Variants in ANXA1 observed in about 807,000 individuals in gnomAD.
The protein encoded by ANXA1 is annexin A1, also known as annexin I (lipocortin I).
Under a neutral mutation model 47.9 loss-of-function variants are expected in ANXA1, and 39 were observed. That is an observed-to-expected ratio of 0.81 (90% CI 0.63 to 1.06). The LOEUF (loss-of-function observed/expected upper bound fraction) is 1.06, where lower values mean the gene tolerates loss of function less well. Among genes scored for constraint, ANXA1 ranks in the 50% least tolerant of loss-of-function variants. The pLI is 0.00. For synonymous variants in ANXA1, 146 were observed against 142.5 expected (o/e 1.02, Z -0.17); for missense variants, 446 against 422.7 (o/e 1.06, Z -0.48).
chr9:73,167,471 T>C (rs1268147540), intron 10 of ANXA1, 26 bp from the exon 11 acceptor site: 1 of 1,604,208 alleles, frequency 6.2e-7, no homozygotes, highest in South Asian at 1.1e-5. Context: ...GGTAAATACA[T>C]CAACTAAAAT....
intron 4 of ANXA1, 78 bp downstream of exon 4, chr9:73,159,501 TAGTTCTTTAAGGTTCTAACC>T (rs1227664122): frequency 3.1e-6 from 4 of 1,277,506 alleles, no homozygotes; most frequent in Non-Finnish European, 3.4e-6. Flanking sequence ...CACAGTTACC[TAGTTCTTTAAGGTTCTAACC>T]ACTGTTTTCT....
intron 1 of ANXA1, chr9:73,154,279 A>C: frequency 7.3e-7 from 1 of 1,363,930 alleles, no homozygotes; most frequent in Non-Finnish European, 9.8e-7. Flanking sequence ...TAAACTCCCT[A>C]AGGCTGGGGT....
intron 1 of ANXA1, chr9:73,157,768 A>G (rs1478449717): frequency 6.6e-6 from 1 of 151,914 alleles, no homozygotes; most frequent in Non-Finnish European, 1.5e-5. Context: ...ATAGTATTCT[A>G]ATCCTCCATC....
At position 73,162,262 on chromosome 9, in the gene ANXA1, A is replaced by ATTATAAATTCAAT. The variant is rs538767491; in HGVS notation, c.476-518_476-506dup. On this transcript the variant is annotated intron_variant, in intron 6 of 12. Coordinates refer to ENST00000257497, the MANE Select transcript of ANXA1 (RefSeq NM_000700.3). ...AATATGAAAACCATAGCACTAGTCA[A>ATTATAAATTCAAT]TTATAAATTCAATTATTTTTTCCTA... Among the ~76,000 whole-genome samples, 745 of 152,322 alleles carry ATTATAAATTCAAT rather than the reference A, an allele frequency of 4.9e-3. 5 individuals carry two copies. Among genetic ancestry groups the ATTATAAATTCAAT allele is most frequent in the African/African-American group, 0.016 (674 of 41,564 alleles).
intron 8 of ANXA1, among the ~76,000 whole-genome samples, 200 bp downstream of exon 8, chr9:73,163,732 T>C (rs373744440): frequency 6.6e-6 from 1 of 152,302 alleles, no homozygotes; most frequent in East Asian, 1.9e-4. Flanking sequence ...ATATCTCTCA[T>C]TATTCGTAAA....
At chr9:73,158,913 A>G in intron 3 of ANXA1, 110 bp downstream of exon 3, 1 of 924,752 alleles carries the variant, frequency 1.1e-6, no homozygotes, top group Non-Finnish European at 1.6e-6. Context: ...CATTTTGAAG[A>G]TAAAAACATT....
intron 6 of ANXA1, 88 bp downstream of exon 6, chr9:73,160,981 T>C: frequency 1.2e-6 from 1 of 855,592 alleles, no homozygotes. Context: ...ATGGTAATTA[T>C]GGCAGCTTTG....
Position 73,169,033 on chromosome 9 carries a change from G to T in ANXA1, c.863G>T (p.Gly288Val), listed in dbSNP as rs781712414. The T allele has an allele frequency of 2.5e-5, 40 of 1,608,902 alleles. No individual in the cohort carries two copies. Among genetic ancestry groups the T allele is most frequent in the Non-Finnish European group, 3.4e-5 (40 of 1,178,018 alleles). Reference protein sequence around the residue: ...FAEKLHQAMKGVGTRHKALIR... With the variant: ...FAEKLHQAMKVVGTRHKALIR... ...CTTACCCTCATTTATTTTGGCCAGG[G>T]TGTTGGAACTCGCCATAAGGCATTG... Residue 288 changes from glycine (G) to valine (V), a missense_variant and splice_region_variant, in exon 12 of 13, where the codon GGT becomes GTT. By Grantham distance (109) the Gly-to-Val change is moderately radical (BLOSUM62 -3). Transcript: ENST00000257497.
At chr9:73,157,107 A>T (rs1235646485) in intron 1 of ANXA1, among the ~76,000 whole-genome samples, 7 of 152,220 alleles carry the variant, frequency 4.6e-5, no homozygotes, top group South Asian at 4.1e-4. Context: ...ACAACAAAAA[A>T]ATCCAGTATA....
intron 8 of ANXA1, 79 bp from the exon 9 acceptor site, chr9:73,165,037 T>C (rs1310589486): frequency 8.5e-7 from 1 of 1,180,780 alleles, no homozygotes; most frequent in Non-Finnish European, 1.2e-6. Flanking sequence ...GCCTATATAA[T>C]CTTTGACAAG....
intron 1 of ANXA1, among the ~76,000 whole-genome samples, chr9:73,155,567 C>G (rs2118134238): frequency 6.6e-6 from 1 of 152,232 alleles, no homozygotes; most frequent in South Asian, 2.1e-4. Flanking sequence ...GCTTTGAGCC[C>G]TTAACCAGCT....
chr9:73,168,962 T>C, intron 11 of ANXA1, 70 bp from the exon 12 acceptor site: 3 of 1,500,428 alleles, frequency 2.0e-6, no homozygotes, highest in East Asian at 4.7e-5. Context: ...AAGGCTTCAC[T>C]TTAAAATTCA....
chr9:73,165,345 C>T lies in ANXA1; in HGVS notation c.706+136C>T, dbSNP rs373125540. 9.7e-4 allele frequency: 579 copies of T among 597,408 alleles called. 3 individuals carry two copies. In the African/African-American group the frequency reaches 9.8e-3, roughly 10 times the overall value. 37.0% of individuals were successfully genotyped at this position (597,408 alleles called of 1,614,324 possible). On this transcript the variant is annotated intron_variant, in intron 9 of 12. Coordinates refer to ENST00000257497, the MANE Select transcript of ANXA1 (RefSeq NM_000700.3). ...ATCAAACAGATACAGTGTTCCTGAC[C>T]CATTGTTATTTGTCAATTTGTCCAA...
intron 9 of ANXA1, 104 bp from the exon 10 acceptor site, chr9:73,165,993 G>A: frequency 2.7e-6 from 2 of 734,778 alleles, no homozygotes; most frequent in Non-Finnish European, 4.4e-6. Flanking sequence ...TGTAGCCAAA[G>A]TTGTTATTCT....
Position 73,170,070 on chromosome 9 carries a change from A to G in ANXA1, c.1004A>G (p.Tyr335Cys). ...QAILDETKGD[Y>C]EKILVALCGG... ...CAACAGGATGAAACCAAAGGAGATTATGAGAAAATCCTGGTGGCTCTTTGT... is the reference window on the plus strand; with the variant it reads ...CAACAGGATGAAACCAAAGGAGATTGTGAGAAAATCCTGGTGGCTCTTTGT... Residue 335 changes from tyrosine to cysteine, a missense_variant, in exon 13 of 13, where the codon TAT (tyrosine) becomes TGT (cysteine). Coordinates refer to ENST00000257497, the MANE Select transcript of ANXA1 (RefSeq NM_000700.3). The G allele has an allele frequency of 1.2e-6, 2 of 1,608,658 alleles. No homozygotes were observed. The highest frequency in any genetic ancestry group is 1.7e-6 in the Non-Finnish European group (2 of 1,176,952).
chr9:73,163,616 T>C, intron 8 of ANXA1, 84 bp downstream of exon 8: 2 of 1,391,884 alleles, frequency 1.4e-6, no homozygotes, highest in Non-Finnish European at 2.0e-6. Context: ...TGAAAGCAAA[T>C]CTAAGATCTT....
intron 11 of ANXA1, 110 bp from the exon 12 acceptor site, chr9:73,168,922 T>A: frequency 2.1e-6 from 2 of 935,632 alleles, no homozygotes; most frequent in Non-Finnish European, 1.6e-6. Flanking sequence ...TATAGCTAGT[T>A]TCTCTATAGA....
At position 73,162,812 on chromosome 9, in the gene ANXA1, C is replaced by G. The variant is rs368085989; in HGVS notation, c.506C>G (p.Thr169Ser). Reference protein sequence around the residue: ...ELKRDLAKDITSDTSGDFRNA... With the variant: ...ELKRDLAKDISSDTSGDFRNA... ...AAGAGAGATCTGGCCAAAGACATAA[C>G]CTCAGACACATCTGGAGATTTTCGG... Residue 169 changes from threonine (T) to serine (S), a missense_variant, in exon 7 of 13, where the codon ACC (threonine) becomes AGC (serine). Coordinates refer to ENST00000257497, the MANE Select transcript of ANXA1 (RefSeq NM_000700.3). 9 of 1,613,100 alleles carry G rather than the reference C, an allele frequency of 5.6e-6. No individual in the cohort carries two copies. In the African/African-American group the frequency reaches 1.2e-4, roughly 22 times the overall value.
chr9:73,157,083 C>G (rs1824059454), intron 1 of ANXA1, among the ~76,000 whole-genome samples: 1 of 152,160 alleles, frequency 6.6e-6, no homozygotes, highest in South Asian at 2.1e-4. Flanking sequence ...AATTGCACCT[C>G]TAGGCTTCCT....
Sources: allele counts gnomAD v4.1 joint callset (sites outside exome capture counted in the v4.1 genomes callset), GRCh38; gene constraint gnomAD v4.1.1; transcripts MANE v1.5; gene names NCBI Gene and HGNC (gene_info 2026-07-23, HGNC 2026-07-21).